The following PI15 variants were observed in gnomAD, a reference collection of about 807,000 sequenced individuals.
The protein encoded by PI15 is 25 kDa trypsin inhibitor.
Under a neutral mutation model 31.0 loss-of-function variants are expected in PI15, and 18 were observed. The observed-to-expected ratio is 0.58, with a 90% confidence interval of 0.40 to 0.86. The LOEUF is 0.86. Among genes scored for constraint, PI15 ranks in the 40% least tolerant of loss-of-function variants. PI15 has a pLI of 0.00. For missense variants in PI15, 282 were observed against 328.1 expected (o/e 0.86, Z 1.09); for synonymous variants, 118 against 119.1 (o/e 0.99, Z 0.06).
intron 3 of PI15, among the ~76,000 whole-genome samples, chr8:74,844,427 C>CTGTGTGTGTGTGTG (rs57644375): frequency 7.1e-6 from 1 of 141,706 alleles, no homozygotes; most frequent in Non-Finnish European, 1.5e-5. Flanking sequence ...TGTGCAGAGG[C>CTGTGTGTGTGTGTG]TGTGTGTGTG....
At chr8:74,843,525 C>G (rs1458565329) in intron 2 of PI15, among the ~76,000 whole-genome samples, 1 of 152,080 alleles carries the variant, frequency 6.6e-6, no homozygotes, top group Non-Finnish European at 1.5e-5. Context: ...GTCAGGAGTT[C>G]CAGACCAGCC....
At chr8:74,832,326 A>T (rs1810794605) in intron 2 of PI15, among the ~76,000 whole-genome samples, 1 of 152,102 alleles carries the variant, frequency 6.6e-6, no homozygotes, top group African/African-American at 2.4e-5. Flanking sequence ...CAGGACACGC[A>T]CCTCTGGAGG....
At chr8:74,830,049 A>G (rs527927383) in intron 2 of PI15, among the ~76,000 whole-genome samples, 1 of 152,230 alleles carries the variant, frequency 6.6e-6, no homozygotes, top group Admixed American at 6.5e-5. Context: ...CAGTTGATGG[A>G]GCTGATATTG....
In PI15 at chr8:74,824,589, C is replaced by T. The variant is rs16938965; in HGVS notation, c.-127C>T. 2,229 of 152,350 alleles carry T rather than the reference C, an allele frequency of 0.015. 11 individuals carry two copies. Among genetic ancestry groups the T allele is most frequent in the South Asian group, 0.019 (94 of 4,832 alleles). 9.4% of individuals were successfully genotyped at this position (152,350 alleles called of 1,614,324 possible). On this transcript the variant is annotated 5_prime_UTR_variant, in exon 1 of 6. Transcript: ENST00000260113. Reference sequence around the variant, plus strand: ...CTCAGAGAGTTTGTAAAAAGACACACTCCTCTTACAAGAGTTCATGCTACC... The same window carrying T: ...CTCAGAGAGTTTGTAAAAAGACACATTCCTCTTACAAGAGTTCATGCTACC...
At chr8:74,825,989 C>G (rs1217366215) in intron 2 of PI15, among the ~76,000 whole-genome samples, 2 of 152,050 alleles carry the variant, frequency 1.3e-5, no homozygotes, top group Admixed American at 1.3e-4. Flanking sequence ...GGGTAGGTGT[C>G]TTTTCCCTTT....
chr8:74,828,443 C>T (rs1387785893), intron 2 of PI15, among the ~76,000 whole-genome samples: 1 of 152,032 alleles, frequency 6.6e-6, no homozygotes. Context: ...GTCATGAAGA[C>T]CCAGAGGGAC....
chr8:74,826,553 A>G (rs1407020625), intron 2 of PI15, among the ~76,000 whole-genome samples: 1 of 152,138 alleles, frequency 6.6e-6, no homozygotes, highest in Non-Finnish European at 1.5e-5. Flanking sequence ...TAGAAGTACA[A>G]TTTAGACTCT....
Position 74,849,326 on chromosome 8 carries a change from A to G in PI15, c.*73A>G. Reference sequence around the variant, plus strand: ...ATGTATATATATATATGGAGAGAGAATTTTGCACATATTATACATATTTTG... The same window carrying G: ...ATGTATATATATATATGGAGAGAGAGTTTTGCACATATTATACATATTTTG... On this transcript the variant is annotated 3_prime_UTR_variant, in exon 6 of 6. Coordinates refer to ENST00000260113, the MANE Select transcript of PI15 (RefSeq NM_015886.5). The G allele has an allele frequency of 8.7e-7, 1 of 1,145,394 alleles. No homozygotes were observed. The allele number at this position is 1,145,394 out of a possible 1,614,324, so 71.0% of individuals were successfully genotyped here. A position where few individuals can be genotyped will look rare whatever the true frequency, so the allele number is the denominator to read the frequency against.
Position 74,854,787 on chromosome 8 carries a change from A to G in PI15, c.*5534A>G, listed in dbSNP as rs1410352391. The G allele has an allele frequency of 6.6e-6, 1 of 152,164 alleles. No homozygotes were observed. Among genetic ancestry groups the G allele is most frequent in the Non-Finnish European group, 1.5e-5 (1 of 68,012 alleles). 9.4% of individuals were successfully genotyped at this position (152,164 alleles called of 1,614,324 possible). ...TAAAAAATATCTAAATATGTCTCAC[A>G]TATTTATATAATCCTCAAATATACT... On this transcript the variant is annotated 3_prime_UTR_variant, in exon 6 of 6. Transcript: ENST00000260113.
intron 5 of PI15, 35 bp from the exon 6 acceptor site, chr8:74,849,083 T>G: frequency 6.3e-7 from 1 of 1,595,234 alleles, no homozygotes; most frequent in African/African-American, 1.3e-5. Flanking sequence ...ATGGGTGGGT[T>G]GCACTAATGC....
rs1699066470 is a variant in PI15 at position 74,853,591 on chromosome 8, C to T, written c.*4338C>T. On this transcript the variant is annotated 3_prime_UTR_variant, in exon 6 of 6. Coordinates refer to ENST00000260113, the MANE Select transcript of PI15 (RefSeq NM_015886.5). ...GCTAATAATATTGCAGGCACTGGCG[C>T]CCTCTGGTGGTTATGAAGACAAATT... 1.3e-5 allele frequency: 2 copies of T among 152,436 alleles called. No homozygotes were observed. Among genetic ancestry groups the T allele is most frequent in the Admixed American group, 1.3e-4 (2 of 15,232 alleles). 9.4% of individuals were successfully genotyped at this position (152,436 alleles called of 1,614,324 possible). A position where few individuals can be genotyped will look rare whatever the true frequency, so the allele number is the denominator to read the frequency against.
intron 5 of PI15, among the ~76,000 whole-genome samples, chr8:74,848,909 A>T (rs905135795): frequency 6.6e-6 from 1 of 151,832 alleles, no homozygotes. Context: ...AATTTTTTGT[A>T]TAATACTCAG....
intron 2 of PI15, among the ~76,000 whole-genome samples, chr8:74,836,087 A>C (rs1810868665): frequency 6.6e-6 from 1 of 152,222 alleles, no homozygotes; most frequent in Non-Finnish European, 1.5e-5. Context: ...TAAAAAATAG[A>C]GTAGATGACT....
intron 2 of PI15, among the ~76,000 whole-genome samples, chr8:74,831,933 T>C (rs55963438): frequency 0.015 from 2,241 of 151,952 alleles, 56 homozygotes; most frequent in African/African-American, 0.051. Context: ...TTTGATGAAG[T>C]TGAGGAAGGC....
chr8:74,838,925 A>C (rs986210587), intron 2 of PI15, among the ~76,000 whole-genome samples: 5 of 152,164 alleles, frequency 3.3e-5, no homozygotes, highest in Non-Finnish European at 5.9e-5. Context: ...TATGTTGAGG[A>C]TCCCAAAACT....
At chr8:74,834,482 C>T (rs1261847695) in intron 2 of PI15, among the ~76,000 whole-genome samples, 2 of 151,994 alleles carry the variant, frequency 1.3e-5, no homozygotes, top group Admixed American at 6.6e-5. Context: ...CCTCAAGACC[C>T]TTTGTGTTAA....
In PI15 at chr8:74,849,310, T is replaced by C. The variant is rs1811072172; in HGVS notation, c.*57T>C. The C allele has an allele frequency of 6.6e-6, 9 of 1,371,506 alleles. No homozygotes were observed. The South Asian group carries it at 8.0e-5, about 12-fold the overall frequency. The allele number at this position is 1,371,506 out of a possible 1,614,324, so 85.0% of individuals were successfully genotyped here. On this transcript the variant is annotated 3_prime_UTR_variant, in exon 6 of 6. Transcript: ENST00000260113. ...TTCTGGGAACATGGGCATGTATATA[T>C]ATATATGGAGAGAGAATTTTGCACA...
At position 74,834,730 on chromosome 8, in the gene PI15, C is replaced by T. The variant is rs142411847; in HGVS notation, c.273+9208C>T. Among the ~76,000 whole-genome samples the T allele has an allele frequency of 3.9e-5, 6 of 152,294 alleles. No individual in the cohort carries two copies. The East Asian group carries it at 7.7e-4, about 20-fold the overall frequency. On this transcript the variant is annotated intron_variant, in intron 2 of 5. Transcript: ENST00000260113. ...GTGGCCCTGAGCAAGGAATTCCCAT[C>T]ACTGGTTGCACTTTCTGGTTGGGTT...
In PI15 at chr8:74,845,171, G is replaced by T. The variant is rs1811006720; in HGVS notation, c.436G>T (p.Val146Leu). The T allele has an allele frequency of 1.2e-6, 2 of 1,612,736 alleles. No individual in the cohort carries two copies. Among genetic ancestry groups the T allele is most frequent in the South Asian group, 1.1e-5 (1 of 91,054 alleles). Residue 146 changes from valine to leucine, a missense_variant, in exon 4 of 6, where the codon GTG becomes TTG. Physicochemically the swap from Val to Leu is conservative, Grantham distance 32. Transcript: ENST00000260113. The part of the protein sequence containing the change: ...LQLVKPWYDE[V>L]KDYAFPYPQD... ...GTTGGTCAAGCCATGGTATGATGAA[G>T]TGAAAGATTATGCTTTTCCATATCC...
Sources: gnomAD v4.1 joint callset for allele counts (sites outside exome capture counted in the v4.1 genomes callset) on GRCh38, gnomAD v4.1.1 for gene constraint, MANE v1.5 for transcripts, NCBI Gene and HGNC (gene_info 2026-07-23, HGNC 2026-07-21) for gene names.